RASL12: variants seen among roughly 807,000 people sequenced by gnomAD.
RASL12 encodes RAS like family 12.
Under a neutral mutation model 22.9 loss-of-function variants are expected in RASL12, and 16 were observed. The observed-to-expected ratio is 0.70, with a 90% CI of 0.47 to 1.06. The LOEUF (loss-of-function observed/expected upper bound fraction) is 1.06, where lower values mean the gene tolerates loss of function less well. RASL12 is among the 50% of genes least tolerant of loss of function. RASL12 has a pLI of 0.00. For synonymous variants in RASL12, 159 were observed against 152.2 expected, an observed-to-expected ratio of 1.04 and a Z score of -0.33; for missense variants, 306 against 353.1, an observed-to-expected ratio of 0.87 and a Z score of 1.07.
At chr15:65,056,954 T>C (rs865798067) in intron 4 of RASL12, among the ~76,000 whole-genome samples, 3 of 116,740 alleles carry the variant, frequency 2.6e-5, no homozygotes, top group African/African-American at 1.0e-4. Context: ...AAAAGAGTGA[T>C]CTGTGCTTTT....
At chr15:65,062,014 G>C (rs1011319463) in intron 2 of RASL12, among the ~76,000 whole-genome samples, 5 of 151,216 alleles carry the variant, frequency 3.3e-5, no homozygotes, top group Non-Finnish European at 5.9e-5. Context: ...CCGGGAGGTG[G>C]AGCTTGCAGT....
chr15:65,070,827 T>C (rs2086926781), upstream of RASL12, among the ~76,000 whole-genome samples: 1 of 152,198 alleles, frequency 6.6e-6, no homozygotes, highest in Non-Finnish European at 1.5e-5. Flanking sequence ...TAAATTCACA[T>C]GTCAAAGGGG....
chr15:65,050,958 C>T (rs1189158242), downstream of RASL12, among the ~76,000 whole-genome samples: 1 of 150,336 alleles, frequency 6.7e-6, no homozygotes, highest in African/African-American at 2.4e-5. Flanking sequence ...GATTCTCATG[C>T]CTCAGTCTCC....
intron 1 of RASL12, among the ~76,000 whole-genome samples, chr15:65,075,684 G>A (rs1376135265): frequency 5.3e-5 from 8 of 150,972 alleles, no homozygotes; most frequent in Non-Finnish European, 1.0e-4. Flanking sequence ...TTTATGTCTA[G>A]CTCAGGGATT....
At chr15:65,070,522 C>T (rs2086924276), upstream of RASL12, among the ~76,000 whole-genome samples, 1 of 152,206 alleles carries the variant, frequency 6.6e-6, no homozygotes, top group Non-Finnish European at 1.5e-5. Context: ...ACCCCCAACC[C>T]TCATCAAGGG....
chr15:65,061,357 T>A (rs1031058567), intron 2 of RASL12, among the ~76,000 whole-genome samples: 1 of 152,044 alleles, frequency 6.6e-6, no homozygotes, highest in Non-Finnish European at 1.5e-5. Flanking sequence ...CTGGGCAGAG[T>A]ACAAGGGAAG....
At chr15:65,063,583 G>C (rs936250087) in intron 2 of RASL12, among the ~76,000 whole-genome samples, 3 of 152,168 alleles carry the variant, frequency 2.0e-5, no homozygotes, top group Non-Finnish European at 4.4e-5. Context: ...CCAAGGCACC[G>C]GGGGTCAAGC....
At chr15:65,068,784 C>T (rs1441371605), upstream of RASL12, among the ~76,000 whole-genome samples, 6 of 152,168 alleles carry the variant, frequency 3.9e-5, no homozygotes, top group Non-Finnish European at 8.8e-5. This position sits in a 1 kb window ranked among gnomAD's most constrained non-coding sequence, Gnocchi z 4.2. Context: ...GGGCAAAGGG[C>T]CCACACCACG....
chr15:65,062,163 G>A (rs995652585), intron 2 of RASL12, among the ~76,000 whole-genome samples: 1 of 152,124 alleles, frequency 6.6e-6, no homozygotes, highest in African/African-American at 2.4e-5. Flanking sequence ...TGAGCCAGAT[G>A]AGGCACCCTC....
downstream of RASL12, among the ~76,000 whole-genome samples, chr15:65,052,465 A>G (rs777994520): frequency 1.4e-5 from 2 of 142,384 alleles, no homozygotes; most frequent in Non-Finnish European, 3.0e-5. Flanking sequence ...CAGTGGCACA[A>G]TCTCGGCTCA....
At chr15:65,074,381 CATTTT>C (rs1353686470) in intron 1 of RASL12, among the ~76,000 whole-genome samples, 1 of 148,952 alleles carries the variant, frequency 6.7e-6, no homozygotes, top group African/African-American at 2.4e-5. Flanking sequence ...TTATTGGCCC[CATTTT>C]ATTTTTTAAT....
At position 65,055,020 on chromosome 15, in the gene RASL12, A is replaced by G; in HGVS notation, c.680T>C (p.Ile227Thr). 6.2e-7 allele frequency: 1 copy of G among 1,613,958 alleles called. No individual in the cohort carries two copies. The highest frequency in any genetic ancestry group is 8.5e-7 in the Non-Finnish European group (1 of 1,179,930). The stretch of plus-strand genomic sequence containing the variant: ...CACAGTGGGCATCTCCTTCAGGTTG[A>G]TGGTGGAGAGCGTGTTGAAGGTGCA... The part of the protein sequence containing the change: ...ASCTFNTLST[I>T]NLKEMPTVAQ... The change falls in exon 5 of 5, where the codon ATC (isoleucine) becomes ACC (threonine). Residue 227 changes from isoleucine (I) to threonine (T), a missense_variant. Ile to Thr is a moderately conservative substitution (Grantham distance 89, BLOSUM62 -1). Transcript: ENST00000220062.
intron 1 of RASL12, among the ~76,000 whole-genome samples, chr15:65,075,600 T>C (rs543836786): frequency 5.3e-4 from 81 of 151,704 alleles, no homozygotes; most frequent in Non-Finnish European, 1.1e-3. Context: ...CAGCACCCTG[T>C]GTCTAGCTCA....
intron 4 of RASL12, among the ~76,000 whole-genome samples, chr15:65,055,482 G>A (rs1219699722): frequency 6.6e-6 from 1 of 152,216 alleles, no homozygotes; most frequent in Non-Finnish European, 1.5e-5. Context: ...TTTGTTTCAA[G>A]TGCTTAGCAC....
rs1287585729 is a variant in RASL12 at position 65,053,964 on chromosome 15, C to T, written c.*935G>A. ...AAAGTGGGCTTTGAACACTCAGACT[C>T]ATTGCTGAGGGTCCTGGGTCCTGCC... On this transcript the variant is annotated 3_prime_UTR_variant, in exon 5 of 5. Coordinates refer to ENST00000220062, the MANE Select transcript of RASL12 (RefSeq NM_016563.4). 7 of 985,730 alleles carry T rather than the reference C, an allele frequency of 7.1e-6. No homozygotes were observed. The African/African-American group carries it at 1.2e-4, about 17-fold the overall frequency. 61.1% of individuals were successfully genotyped at this position (985,730 alleles called of 1,614,324 possible).
At chr15:65,053,170 G>T (rs755993629), downstream of RASL12, 1 of 1,613,436 alleles carries the variant, frequency 6.2e-7, no homozygotes, top group Non-Finnish European at 8.5e-7. Context: ...GCTAGTGAGG[G>T]TTCAGAGAAG....
chr15:65,062,704 C>T (rs1296258045), intron 2 of RASL12, among the ~76,000 whole-genome samples: 3 of 152,206 alleles, frequency 2.0e-5, no homozygotes, highest in African/African-American at 7.2e-5. Context: ...TGAGCTCAGG[C>T]TCTCAGAAGA....
chr15:65,062,141 T>C (rs1382238850), intron 2 of RASL12, among the ~76,000 whole-genome samples: 2 of 151,774 alleles, frequency 1.3e-5, no homozygotes, highest in Non-Finnish European at 2.9e-5. Context: ...GAAGCTGACA[T>C]TCTTCCCTGG....
rs113610974 is a variant in RASL12 at position 65,054,240 on chromosome 15, T to C, written c.*659A>G. 1.1e-4 allele frequency: 112 copies of C among 985,976 alleles called. 1 individual carries two copies. In the African/African-American group the frequency reaches 1.7e-3, roughly 15 times the overall value. 61.1% of individuals were successfully genotyped at this position (985,976 alleles called of 1,614,324 possible). ...GGTGAAAGAACTCTGGGGCTCCTTA[T>C]GCTGGACAACCTACAGTCCCTCCCT... On this transcript the variant is annotated 3_prime_UTR_variant, in exon 5 of 5. Coordinates refer to ENST00000220062, the MANE Select transcript of RASL12 (RefSeq NM_016563.4).
Sources: gnomAD v4.1 joint callset for allele counts (sites outside exome capture counted in the v4.1 genomes callset) on GRCh38, gnomAD v4.1.1 for gene constraint, Gnocchi (gnomAD v3.1) non-coding constraint, MANE v1.5 for transcripts, NCBI Gene and HGNC (gene_info 2026-07-23, HGNC 2026-07-21) for gene names.